LZTS1: variants seen among roughly 807,000 people sequenced by gnomAD.
LZTS1 encodes the protein leucine zipper tumor suppressor 1, also known as leucine zipper putative tumor suppressor 1.
Under a neutral mutation model 45.8 loss-of-function variants are expected in LZTS1, and 31 were observed. The ratio of observed to expected loss-of-function variants is 0.68; its 90% CI spans 0.51 to 0.91. LZTS1 has a LOEUF of 0.91. Among genes scored for constraint, LZTS1 ranks in the 40% least tolerant of loss-of-function variants. The pLI is 0.00. For synonymous variants in LZTS1, 359 were observed against 357.3 expected (o/e 1.00, Z -0.05); for missense variants, 821 against 788.9 (o/e 1.04, Z -0.49).
chr8:20,286,067 G>T (rs549337243), intron 1 of LZTS1, among the ~76,000 whole-genome samples: 1 of 152,208 alleles, frequency 6.6e-6, no homozygotes, highest in South Asian at 2.1e-4. Context: ...AGAAAACCAA[G>T]GATAATATCT....
chr8:20,265,419 A>T (rs2898498), intron 1 of LZTS1, among the ~76,000 whole-genome samples: 2,654 of 151,916 alleles, frequency 0.017, 83 homozygotes, highest in African/African-American at 0.059. Flanking sequence ...TAATCCCAAC[A>T]CTTTGGGAGG....
At chr8:20,254,757 G>A in intron 2 of LZTS1, 80 bp downstream of exon 2, 2 of 1,230,056 alleles carry the variant, frequency 1.6e-6, no homozygotes, top group Non-Finnish European at 2.2e-6. Context: ...CACTCCCCCT[G>A]AACCCCCAGG....
At chr8:20,299,107 T>A (rs940427065) in intron 1 of LZTS1, among the ~76,000 whole-genome samples, 2 of 152,102 alleles carry the variant, frequency 1.3e-5, no homozygotes, top group African/African-American at 2.4e-5. Context: ...AACCTCCCAT[T>A]TTTTATGCAC....
At chr8:20,288,846 A>T (rs1182670051) in intron 1 of LZTS1, among the ~76,000 whole-genome samples, 1 of 151,698 alleles carries the variant, frequency 6.6e-6, no homozygotes, top group East Asian at 2.0e-4. Flanking sequence ...CTCTTCCCCC[A>T]AGTCTTGGGC....
intron 1 of LZTS1, among the ~76,000 whole-genome samples, chr8:20,257,500 A>T (rs1275879285): frequency 6.6e-6 from 1 of 152,166 alleles, no homozygotes; most frequent in East Asian, 1.9e-4. Context: ...CATTGAGAAG[A>T]TTCAAGAGAG....
chr8:20,250,242 C>A lies in LZTS1; in HGVS notation c.1271G>T (p.Gly424Val). 1 of 1,613,466 alleles carries A rather than the reference C, an allele frequency of 6.2e-7. No homozygotes were observed. ...GLKAQLKDTR[G>V]KLEGLELRTQ... The stretch of plus-strand genomic sequence containing the variant: ...CCTCAGCTCCAGGCCCTCCAGCTTG[C>A]CCCGCGTGTCCTTCAGCTGTGCCTT... The change falls in exon 4 of 4, where the codon GGC becomes GTC. Residue 424 changes from glycine to valine, a missense_variant. Coordinates refer to ENST00000381569, the MANE Select transcript of LZTS1 (RefSeq NM_021020.5).
rs1037195552 is a variant in LZTS1, at chr8:20,252,697, C to T, written c.1149+85G>A. The T allele has an allele frequency of 1.4e-5, 18 of 1,294,678 alleles. No individual in the cohort carries two copies. In the Admixed American group the frequency reaches 1.4e-4, roughly 10 times the overall value. The allele number at this position is 1,294,678 out of a possible 1,614,324, so 80.2% of individuals were successfully genotyped here. On this transcript the variant is annotated intron_variant, in intron 3 of 3. Coordinates refer to ENST00000381569, the MANE Select transcript of LZTS1 (RefSeq NM_021020.5). ...CTTGCCTGCGCGGTCTGTGTTTGCA[C>T]GCTATTGGCCGGCACCAGAAGGAGA...
In LZTS1 at chr8:20,300,624, G is replaced by A. The variant is rs533811417; in HGVS notation, c.-135+3116C>T. Among the ~76,000 whole-genome samples, 4 of 152,076 alleles carry A rather than the reference G, an allele frequency of 2.6e-5. No homozygotes were observed. In the South Asian group the frequency reaches 6.2e-4, roughly 24 times the overall value. ...TGAGATTACAAGCGTGAGCCACAGC[G>A]CCCCGCCGCCAACACTGTATTTTGA... On this transcript the variant is annotated intron_variant, in intron 1 of 3. Coordinates refer to ENST00000381569, the MANE Select transcript of LZTS1 (RefSeq NM_021020.5).
chr8:20,269,954 G>A (rs1800439411), intron 1 of LZTS1, among the ~76,000 whole-genome samples: 1 of 152,102 alleles, frequency 6.6e-6, no homozygotes, highest in African/African-American at 2.4e-5. Flanking sequence ...CTCACTAACG[G>A]GCACCCTCAA....
At chr8:20,264,255 T>C (rs62499970) in intron 1 of LZTS1, among the ~76,000 whole-genome samples, 55,757 of 152,088 alleles carry the variant, frequency 0.37, 12,187 homozygotes, top group African/African-American at 0.62. Context: ...CCCATTTACC[T>C]GCTGTGTAAT....
chr8:20,289,550 A>G (rs962194474), intron 1 of LZTS1, among the ~76,000 whole-genome samples: 1 of 152,132 alleles, frequency 6.6e-6, no homozygotes, highest in Non-Finnish European at 1.5e-5. Flanking sequence ...CAACTGCTCC[A>G]GGGTCAGGCA....
At chr8:20,292,477 G>C (rs980299674) in intron 1 of LZTS1, among the ~76,000 whole-genome samples, 2 of 152,202 alleles carry the variant, frequency 1.3e-5, no homozygotes, top group Non-Finnish European at 2.9e-5. Context: ...GTTAGCAACT[G>C]CGACCAGCAC....
chr8:20,247,791 G>C lies in LZTS1; in HGVS notation c.*1931C>G, dbSNP rs893707168. ...AGCATCTCCCCACCCCTACCTCGGG[G>C]TCTCTAAGGGCCAGCGGTGAGCGAG... On this transcript the variant is annotated 3_prime_UTR_variant, in exon 4 of 4. Transcript: ENST00000381569. The C allele has an allele frequency of 1.3e-5, 2 of 152,628 alleles. No homozygotes were observed. The highest frequency in any genetic ancestry group is 4.8e-5 in the African/African-American group (2 of 41,444). 9.5% of individuals were successfully genotyped at this position (152,628 alleles called of 1,614,324 possible).
At chr8:20,291,007 T>A (rs1379896491) in intron 1 of LZTS1, among the ~76,000 whole-genome samples, 1 of 152,054 alleles carries the variant, frequency 6.6e-6, no homozygotes, top group East Asian at 1.9e-4. Flanking sequence ...TCCCCTCAGC[T>A]CCTCCACTCC....
chr8:20,267,748 C>T (rs1467912998), intron 1 of LZTS1, among the ~76,000 whole-genome samples: 1 of 152,144 alleles, frequency 6.6e-6, no homozygotes, highest in Non-Finnish European at 1.5e-5. Context: ...ATCTCTTGAC[C>T]TCATGATCCA....
At chr8:20,291,279 G>A (rs946993045) in intron 1 of LZTS1, among the ~76,000 whole-genome samples, 21 of 152,072 alleles carry the variant, frequency 1.4e-4, no homozygotes, top group Admixed American at 3.3e-4. Flanking sequence ...AGGTAGCTCC[G>A]CAGGCAGCAC....
At chr8:20,289,238 C>T (rs570891638) in intron 1 of LZTS1, 3 of 152,122 alleles carry the variant, frequency 2.0e-5, no homozygotes, top group Non-Finnish European at 4.4e-5. Flanking sequence ...TGGAAGTCAC[C>T]GATCTAACCA....
At chr8:20,252,433 G>A (rs112293712) in intron 3 of LZTS1, among the ~76,000 whole-genome samples, 15 of 152,300 alleles carry the variant, frequency 9.8e-5, no homozygotes, top group African/African-American at 2.4e-4. Context: ...ACTCAGGCAC[G>A]GCTTGTTCTT....
chr8:20,263,409 C>T (rs1372646748), intron 1 of LZTS1, among the ~76,000 whole-genome samples: 2 of 152,054 alleles, frequency 1.3e-5, no homozygotes, highest in African/African-American at 4.8e-5. Flanking sequence ...ACGCACCCTC[C>T]TCCAACATTT....
Sources: allele counts gnomAD v4.1 joint callset (sites outside exome capture counted in the v4.1 genomes callset), GRCh38; gene constraint gnomAD v4.1.1; transcripts MANE v1.5; gene names NCBI Gene and HGNC (gene_info 2026-07-23, HGNC 2026-07-21).